KDM4B: variants seen among roughly 807,000 people sequenced by gnomAD.
KDM4B encodes lysine-specific demethylase 4B.
KDM4B carries 32 observed loss-of-function variants against 125.2 expected under a neutral mutation model. The observed-to-expected ratio is 0.26, with a 90% CI of 0.19 to 0.34. The LOEUF (loss-of-function observed/expected upper bound fraction) is 0.34, where lower values mean the gene tolerates loss of function less well. KDM4B is among the 10% of genes least tolerant of loss of function. The probability of loss-of-function intolerance (pLI) is 1.00; values close to 1 mark genes in which losing one functional copy is unlikely to be tolerated. For missense variants in KDM4B, 1,190 were observed against 1,577.7 expected (o/e 0.75, Z 4.16); for synonymous variants, 721 against 677.9 (o/e 1.06, Z -0.99).
chr19:5,126,650 A>G lies in KDM4B; in HGVS notation c.1316-4426A>G, dbSNP rs566359986. Among the ~76,000 whole-genome samples the G allele has an allele frequency of 3.3e-5, 5 of 152,328 alleles. No homozygotes were observed. In the East Asian group the frequency reaches 9.6e-4, roughly 29 times the overall value. ...TAGAACACGGAAAGCAAAGGCTGCC[A>G]TGTCTGGAGGGCGGCCCCAGCTCAT... On this transcript the variant is annotated intron_variant, in intron 11 of 22. Coordinates refer to ENST00000159111, the MANE Select transcript of KDM4B (RefSeq NM_015015.3).
At position 5,081,378 on chromosome 19, in the gene KDM4B, G is replaced by A. The variant is rs1042025541; in HGVS notation, c.781-989G>A. On this transcript the variant is annotated intron_variant, in intron 8 of 22. Transcript: ENST00000159111. The surrounding 1 kb of genome is among the most constrained non-coding windows in gnomAD (Gnocchi z 4.2). ...CGGGCTTAGCAGTGAGCAGGGAGTG[G>A]GGGTCAGTGTGGCCATCTCGAGTGT... 6.6e-6 allele frequency among the ~76,000 whole-genome samples: 1 copy of A among 152,188 alleles called. No individual in the cohort carries two copies. Among genetic ancestry groups the A allele is most frequent in the East Asian group, 1.9e-4 (1 of 5,184 alleles).
chr19:4,990,487 G>A (rs2034996955), intron 1 of KDM4B, among the ~76,000 whole-genome samples: 1 of 152,200 alleles, frequency 6.6e-6, no homozygotes, highest in Non-Finnish European at 1.5e-5. Context: ...GAGTCTGAAG[G>A]CAGCGTGGCG....
chr19:5,143,899 G>C, intron 18 of KDM4B, 68 bp from the exon 19 acceptor site: 2 of 1,259,138 alleles, frequency 1.6e-6, no homozygotes, highest in Admixed American at 2.1e-5. Flanking sequence ...GGGAGGGGCC[G>C]GGGACTCCGT....
intron 1 of KDM4B, among the ~76,000 whole-genome samples, chr19:4,988,664 A>T (rs2034929673): frequency 6.6e-6 from 1 of 152,142 alleles, no homozygotes; most frequent in Admixed American, 6.5e-5. Flanking sequence ...ATTAGAAAGG[A>T]TTTTACAAAG....
chr19:4,994,208 A>C (rs2035125743), intron 1 of KDM4B, among the ~76,000 whole-genome samples: 1 of 150,786 alleles, frequency 6.6e-6, no homozygotes, highest in African/African-American at 2.4e-5. Context: ...GGCCTCCCGA[A>C]GTGTTGGGAT....
intron 1 of KDM4B, among the ~76,000 whole-genome samples, chr19:4,981,820 C>T (rs142401034): frequency 1.3e-5 from 2 of 152,274 alleles, no homozygotes; most frequent in African/African-American, 2.4e-5. Context: ...CCTGGGGTGC[C>T]CCATCAGTAC....
intron 1 of KDM4B, among the ~76,000 whole-genome samples, chr19:5,015,392 C>T (rs1037531177): frequency 2.6e-5 from 4 of 151,842 alleles, no homozygotes; most frequent in Admixed American, 2.0e-4. Flanking sequence ...GCTGGGATTA[C>T]AGGTGCACAT....
At chr19:5,080,024 G>A (rs1028425372) in intron 8 of KDM4B, among the ~76,000 whole-genome samples, 1 of 152,240 alleles carries the variant, frequency 6.6e-6, no homozygotes, top group Non-Finnish European at 1.5e-5. Context: ...GCACGGCGGG[G>A]GCCAGGCCCT....
At chr19:4,988,901 C>T (rs1403407319) in intron 1 of KDM4B, among the ~76,000 whole-genome samples, 1 of 152,196 alleles carries the variant, frequency 6.6e-6, no homozygotes, top group Admixed American at 6.5e-5. Flanking sequence ...CCCCTCCCCT[C>T]CCGTCCAGCC....
chr19:5,039,747 T>C, intron 3 of KDM4B, 89 bp from the exon 4 acceptor site: 2 of 1,400,590 alleles, frequency 1.4e-6, no homozygotes, highest in East Asian at 2.4e-5. Flanking sequence ...TGGGGGGTGC[T>C]GGTCTCTGGG....
chr19:5,028,701 T>C (rs992792830), intron 2 of KDM4B, among the ~76,000 whole-genome samples: 2 of 152,190 alleles, frequency 1.3e-5, no homozygotes, highest in African/African-American at 4.8e-5. Flanking sequence ...CAGCCTGTGT[T>C]CGAGGGCCCC....
At chr19:5,120,757 G>T (rs944849542) in intron 11 of KDM4B, among the ~76,000 whole-genome samples, 14 of 152,114 alleles carry the variant, frequency 9.2e-5, no homozygotes, top group African/African-American at 3.4e-4. Flanking sequence ...AGGGCTCCCC[G>T]CTGGGAGCCC....
intron 10 of KDM4B, 126 bp from the exon 11 acceptor site, chr19:5,119,527 G>T: frequency 3.2e-6 from 3 of 940,528 alleles, no homozygotes; most frequent in Non-Finnish European, 5.0e-6. Flanking sequence ...CCAGCCAGGA[G>T]GCCCCCTGCT....
intron 1 of KDM4B, among the ~76,000 whole-genome samples, chr19:5,014,253 T>C (rs1334390608): frequency 2.6e-5 from 4 of 152,176 alleles, no homozygotes; most frequent in African/African-American, 9.6e-5. Flanking sequence ...CACAGGCACA[T>C]GCTACCACAC....
At chr19:5,007,713 T>C (rs968203436) in intron 1 of KDM4B, among the ~76,000 whole-genome samples, 3 of 151,672 alleles carry the variant, frequency 2.0e-5, no homozygotes, top group African/African-American at 7.3e-5. Context: ...GCCTGGCTAA[T>C]TTTTTTCTTC....
At chr19:5,147,191 G>C (rs2039867106) in intron 21 of KDM4B, among the ~76,000 whole-genome samples, 1 of 152,150 alleles carries the variant, frequency 6.6e-6, no homozygotes, top group African/African-American at 2.4e-5. Flanking sequence ...CCTCCCTCAA[G>C]AAACCTATGG....
At chr19:5,061,990 G>A (rs1038904062) in intron 6 of KDM4B, among the ~76,000 whole-genome samples, 2 of 152,216 alleles carry the variant, frequency 1.3e-5, no homozygotes, top group African/African-American at 2.4e-5. Flanking sequence ...TGGCATCTGG[G>A]GGAGCAGGGC....
At chr19:5,137,766 G>T in intron 17 of KDM4B, 90 bp downstream of exon 17, 1 of 1,283,076 alleles carries the variant, frequency 7.8e-7, no homozygotes. Flanking sequence ...GTGCCTAGGG[G>T]TTGACCATCA....
intron 3 of KDM4B, among the ~76,000 whole-genome samples, chr19:5,034,592 T>C (rs559489718): frequency 1.3e-5 from 2 of 152,344 alleles, no homozygotes; most frequent in Non-Finnish European, 2.9e-5. Flanking sequence ...AGGAAGGGGC[T>C]GATTCGGCCC....
Sources: gnomAD v4.1 joint callset for allele counts (sites outside exome capture counted in the v4.1 genomes callset) on GRCh38, gnomAD v4.1.1 for gene constraint, Gnocchi (gnomAD v3.1) non-coding constraint, MANE v1.5 for transcripts, NCBI Gene and HGNC (gene_info 2026-07-23, HGNC 2026-07-21) for gene names.